Variants in PTGIS observed in about 807,000 individuals in gnomAD.
PTGIS encodes the protein prostacyclin synthase.
PTGIS carries 45 observed loss-of-function variants against 50.3 expected under a neutral mutation model. That is an observed-to-expected ratio of 0.90 (90% CI 0.70 to 1.15). The LOEUF (loss-of-function observed/expected upper bound fraction) is 1.15. PTGIS is among the 50% of genes most tolerant of loss of function. The pLI, the probability that PTGIS is intolerant of heterozygous loss-of-function variation, is 0.00. For synonymous variants in PTGIS, 260 were observed against 267.7 expected, an observed-to-expected ratio of 0.97 and a Z score of 0.28; for missense variants, 668 against 661.3, an observed-to-expected ratio of 1.01 and a Z score of -0.11.
At chr20:49,547,812 T>G in intron 3 of PTGIS, 29 bp downstream of exon 3, 3 of 1,612,420 alleles carry the variant, frequency 1.9e-6, no homozygotes, top group Non-Finnish European at 2.5e-6. Context: ...ACCCTGGCCC[T>G]CCCACAGGTG....
chr20:49,559,632 T>C (rs766843108), intron 1 of PTGIS, among the ~76,000 whole-genome samples: 3 of 152,176 alleles, frequency 2.0e-5, no homozygotes, highest in Non-Finnish European at 4.4e-5. Context: ...AGGAATGAAG[T>C]ACTGATTCAT....
chr20:49,521,678 TA>T (rs1388829972), intron 6 of PTGIS, among the ~76,000 whole-genome samples: 1 of 152,168 alleles, frequency 6.6e-6, no homozygotes, highest in East Asian at 1.9e-4. Context: ...CAAGGACAGT[TA>T]ATGGCTCTGA....
chr20:49,514,384 ACC>A lies in PTGIS; in HGVS notation c.865_866del (p.Gly289SerfsTer15). On this transcript the variant is annotated frameshift_variant, in exon 7 of 10. Coordinates refer to ENST00000244043, the MANE Select transcript of PTGIS (RefSeq NM_000961.4). LOFTEE classifies it high-confidence loss of function. ...AGAGCAGGAGCCAGAAGGCAGCGGG[ACC>A]CATATTCCCCTGCAAGGAGAAGGGC... Reference protein sequence around the residue: ...LQLWATQGNMGPAAFWLLLFL... With the variant: ...LQLWATQGNMXPAAFWLLLFL... The A allele has an allele frequency of 6.2e-7, 1 of 1,613,742 alleles. No homozygotes were observed. The highest frequency in any genetic ancestry group is 8.5e-7 in the Non-Finnish European group (1 of 1,180,006).
At chr20:49,512,716 A>G (rs866297416) in intron 8 of PTGIS, among the ~76,000 whole-genome samples, 1 of 152,212 alleles carries the variant, frequency 6.6e-6, no homozygotes, top group Non-Finnish European at 1.5e-5. Flanking sequence ...GTGAATGAAC[A>G]TCCCCTCATG....
intron 1 of PTGIS, among the ~76,000 whole-genome samples, chr20:49,563,505 T>A (rs1982826247): frequency 6.6e-6 from 1 of 152,232 alleles, no homozygotes. Context: ...TAGGGAGTAG[T>A]GGGGACTGTG....
intron 6 of PTGIS, among the ~76,000 whole-genome samples, chr20:49,518,503 A>G (rs1601182305): frequency 6.6e-6 from 1 of 152,238 alleles, no homozygotes; most frequent in East Asian, 1.9e-4. Context: ...TTTAGTTACT[A>G]GCAATGTCCC....
chr20:49,543,736 C>T (rs950667309), intron 4 of PTGIS, among the ~76,000 whole-genome samples: 4 of 152,172 alleles, frequency 2.6e-5, no homozygotes, highest in African/African-American at 9.7e-5. Flanking sequence ...CCCCCAGATG[C>T]TGTCACCCCA....
chr20:49,525,832 A>G (rs2122857335), intron 5 of PTGIS, among the ~76,000 whole-genome samples: 1 of 151,654 alleles, frequency 6.6e-6, no homozygotes, highest in South Asian at 2.1e-4. Flanking sequence ...TTTCAGGAAG[A>G]CTCGCCCCAC....
In PTGIS at chr20:49,551,672, C is replaced by A. The variant is rs1982508838; in HGVS notation, c.75-1483G>T. Among the ~76,000 whole-genome samples the A allele has an allele frequency of 2.0e-5, 3 of 152,176 alleles. No individual in the cohort carries two copies. In the South Asian group the frequency reaches 6.2e-4, roughly 31 times the overall value. On this transcript the variant is annotated intron_variant, in intron 1 of 9. Coordinates refer to ENST00000244043, the MANE Select transcript of PTGIS (RefSeq NM_000961.4). ...GGCTGTGTTGTAGGCCATGGTCACT[C>A]ATATTTGGCTCAGAATAAATCTCCT...
At chr20:49,508,455 C>T (rs1220888839) in intron 9 of PTGIS, among the ~76,000 whole-genome samples, 1 of 152,140 alleles carries the variant, frequency 6.6e-6, no homozygotes, top group African/African-American at 2.4e-5. Flanking sequence ...GGAAGCCCTC[C>T]AATCCCACAG....
At chr20:49,510,138 C>T (rs1022375987) in intron 9 of PTGIS, among the ~76,000 whole-genome samples, 2 of 151,876 alleles carry the variant, frequency 1.3e-5, no homozygotes, top group Non-Finnish European at 2.9e-5. Context: ...ATCTGCCCAC[C>T]TCGGCCTCCC....
chr20:49,507,052 C>T lies in PTGIS; in HGVS notation c.*868G>A, dbSNP rs1426993269. 6.6e-6 allele frequency: 1 copy of T among 152,384 alleles called. No individual in the cohort carries two copies. Among genetic ancestry groups the T allele is most frequent in the Admixed American group, 6.5e-5 (1 of 15,306 alleles). 9.4% of individuals were successfully genotyped at this position (152,384 alleles called of 1,614,324 possible). On this transcript the variant is annotated 3_prime_UTR_variant, in exon 10 of 10. Transcript: ENST00000244043. ...TAAGTGAAGTCCAAACAAAACACGTCTGCAGACTGGATCGTGATCACAGTT... is the reference window on the plus strand; with the variant it reads ...TAAGTGAAGTCCAAACAAAACACGTTTGCAGACTGGATCGTGATCACAGTT...
At chr20:49,525,259 C>CTG (rs1209624544) in intron 5 of PTGIS, among the ~76,000 whole-genome samples, 2 of 152,242 alleles carry the variant, frequency 1.3e-5, no homozygotes, top group Middle Eastern at 3.2e-3. Context: ...GCCAGAAGGC[C>CTG]TGTGCTTTCA....
At position 49,507,627 on chromosome 20, in the gene PTGIS, T is replaced by C; in HGVS notation, c.*293A>G. ...GACTCCTAGTTCTGCCTTATCTGAA[T>C]AGCATTTGTGGATATCACGAGGTGA... On this transcript the variant is annotated 3_prime_UTR_variant, in exon 10 of 10. Coordinates refer to ENST00000244043, the MANE Select transcript of PTGIS (RefSeq NM_000961.4). 1 of 476,130 alleles carries C rather than the reference T, an allele frequency of 2.1e-6. No individual in the cohort carries two copies. The highest frequency in any genetic ancestry group is 3.9e-6 in the Non-Finnish European group (1 of 259,004). The allele number at this position is 476,130 out of a possible 1,614,324, so 29.5% of individuals were successfully genotyped here.
chr20:49,545,859 TGCTGTTTGGGAAGTAGGATGG>T (rs1982343630), intron 3 of PTGIS, among the ~76,000 whole-genome samples: 2 of 17,688 alleles, frequency 1.1e-4, no homozygotes, highest in Non-Finnish European at 2.1e-4. Flanking sequence ...TAGGATGGAC[TGCTGTTTGGGAAGTAGGATGG>T]ACACCTTTAG....
At chr20:49,559,844 G>T (rs1219876087) in intron 1 of PTGIS, among the ~76,000 whole-genome samples, 1 of 152,102 alleles carries the variant, frequency 6.6e-6, no homozygotes, top group Non-Finnish European at 1.5e-5. Context: ...TTTCTTTTAG[G>T]GGTGATGAAA....
chr20:49,535,090 T>C (rs957025116), intron 5 of PTGIS, among the ~76,000 whole-genome samples: 4 of 152,234 alleles, frequency 2.6e-5, no homozygotes, highest in South Asian at 2.1e-4. Flanking sequence ...TGTCCTTTTT[T>C]CCATCAGATT....
chr20:49,510,549 A>AAT (rs1405325423), intron 9 of PTGIS, among the ~76,000 whole-genome samples: 1 of 152,136 alleles, frequency 6.6e-6, no homozygotes, highest in East Asian at 1.9e-4. Flanking sequence ...GGCAGATGTC[A>AAT]TAACCCCTGG....
chr20:49,562,847 C>T (rs1047701195), intron 1 of PTGIS, among the ~76,000 whole-genome samples: 1 of 152,206 alleles, frequency 6.6e-6, no homozygotes. Flanking sequence ...ATGTCACCCG[C>T]CTCCATGCCC....
Sources: allele counts gnomAD v4.1 joint callset (sites outside exome capture counted in the v4.1 genomes callset), GRCh38; gene constraint gnomAD v4.1.1; transcripts MANE v1.5; gene names NCBI Gene and HGNC (gene_info 2026-07-23, HGNC 2026-07-21).